QKI: variants seen among roughly 807,000 people sequenced by gnomAD.
QKI encodes the protein KH domain-containing RNA-binding protein QKI.
A neutral mutation model predicts 39.0 loss-of-function variants in QKI; 10 were observed. The ratio of observed to expected loss-of-function variants is 0.26; its 90% CI spans 0.16 to 0.43. QKI has a LOEUF of 0.43. Among genes scored for constraint, QKI ranks in the 20% least tolerant of loss-of-function variants. QKI has a pLI of 1.00. For synonymous variants in QKI, 204 were observed against 155.4 expected, an observed-to-expected ratio of 1.31 and a Z score of -2.33; for missense variants, 218 against 428.0, an observed-to-expected ratio of 0.51 and a Z score of 4.33.
intron 1 of QKI, among the ~76,000 whole-genome samples, chr6:163,431,595 A>G (rs142741575): frequency 0.018 from 2,686 of 152,222 alleles, 46 homozygotes; most frequent in Non-Finnish European, 0.023. Flanking sequence ...CATTTAAACA[A>G]ACATTAAGAT....
intron 1 of QKI, among the ~76,000 whole-genome samples, chr6:163,441,254 A>G (rs1409306059): frequency 6.6e-6 from 1 of 152,190 alleles, no homozygotes; most frequent in East Asian, 1.9e-4. Flanking sequence ...AAAGTGTTCT[A>G]AACTTCTCAA....
At chr6:163,509,000 G>T (rs1163486944) in intron 3 of QKI, among the ~76,000 whole-genome samples, 1 of 152,102 alleles carries the variant, frequency 6.6e-6, no homozygotes, top group African/African-American at 2.4e-5. Context: ...TTAGCTGGAC[G>T]TGGTGGCAGG....
chr6:163,518,211 C>G (rs1186447769), intron 3 of QKI, among the ~76,000 whole-genome samples: 1 of 152,102 alleles, frequency 6.6e-6, no homozygotes, highest in Admixed American at 6.5e-5. Context: ...AGGAAAAACT[C>G]ACATCCACGG....
intron 3 of QKI, among the ~76,000 whole-genome samples, chr6:163,488,832 T>C (rs1345810243): frequency 6.6e-6 from 1 of 152,186 alleles, no homozygotes; most frequent in African/African-American, 2.4e-5. Context: ...TTAGAATATT[T>C]ACATGGTTCC....
At chr6:163,447,608 AT>A (rs1790251438) in intron 1 of QKI, among the ~76,000 whole-genome samples, 1 of 152,142 alleles carries the variant, frequency 6.6e-6, no homozygotes, top group Non-Finnish European at 1.5e-5. Flanking sequence ...ACATAACGAT[AT>A]TTGTTAATTC....
chr6:163,494,206 T>C (rs1222964632), intron 3 of QKI, among the ~76,000 whole-genome samples: 1 of 152,228 alleles, frequency 6.6e-6, no homozygotes, highest in African/African-American at 2.4e-5. Flanking sequence ...TACAATGATT[T>C]ACGTAGTCTT....
chr6:163,562,099 CTGCTGTCTGCGT>C (rs778292652), intron 5 of QKI, 30 bp downstream of exon 5: 3 of 1,547,650 alleles, frequency 1.9e-6, no homozygotes, highest in East Asian at 4.5e-5. Context: ...CCCAGGGTTA[CTGCTGTCTGCGT>C]TGTTTTGTCT....
At chr6:163,515,595 C>CT (rs1373488760) in intron 3 of QKI, among the ~76,000 whole-genome samples, 2 of 152,036 alleles carry the variant, frequency 1.3e-5, no homozygotes, top group Admixed American at 1.3e-4. Context: ...CATCTTGATA[C>CT]TATAACGTTC....
chr6:163,492,227 A>G (rs899455408), intron 3 of QKI, among the ~76,000 whole-genome samples: 1 of 152,190 alleles, frequency 6.6e-6, no homozygotes, highest in East Asian at 1.9e-4. Context: ...AGGCCGTTTC[A>G]TAAGCCTAGG....
chr6:163,443,648 A>G lies in QKI; in HGVS notation c.143-11631A>G, dbSNP rs558044088. 6.6e-5 allele frequency among the ~76,000 whole-genome samples: 10 copies of G among 152,352 alleles called. No individual in the cohort carries two copies. In the South Asian group the frequency reaches 1.2e-3, roughly 19 times the overall value. On this transcript the variant is annotated intron_variant, in intron 1 of 7. Transcript: ENST00000361752. ...TTGCAACACCTGTGAATGTCTTTTG[A>G]CATGTATTTTCTTTCCTAAAAATGT... is the stretch of plus-strand genomic sequence containing the variant.
chr6:163,475,636 A>G (rs1404210615), intron 2 of QKI, among the ~76,000 whole-genome samples: 5 of 152,236 alleles, frequency 3.3e-5, no homozygotes, highest in East Asian at 1.9e-4. Context: ...AGTCTTTTCA[A>G]TAACATTTCT....
At chr6:163,470,485 A>G (rs908344676) in intron 2 of QKI, among the ~76,000 whole-genome samples, 2 of 152,120 alleles carry the variant, frequency 1.3e-5, no homozygotes, top group Non-Finnish European at 2.9e-5. Context: ...TTGGCCTTAT[A>G]TTATTTTTAT....
chr6:163,422,636 A>G (rs889978225), intron 1 of QKI, among the ~76,000 whole-genome samples: 1 of 152,222 alleles, frequency 6.6e-6, no homozygotes, highest in Non-Finnish European at 1.5e-5. Context: ...GTGGCTCCAC[A>G]TAATGGTCAC....
At chr6:163,419,971 G>T (rs961381934) in intron 1 of QKI, among the ~76,000 whole-genome samples, 1 of 152,088 alleles carries the variant, frequency 6.6e-6, no homozygotes, top group Non-Finnish European at 1.5e-5. Flanking sequence ...GATTGAAATT[G>T]GTCAGTTTCC....
intron 7 of QKI, 139 bp from the exon 8 acceptor site, chr6:163,570,555 A>C: frequency 4.0e-6 from 6 of 1,485,636 alleles, no homozygotes; most frequent in Non-Finnish European, 5.3e-6. Context: ...AGTTTGTCAG[A>C]ATTAAACATG....
rs562435818 is a variant in QKI at position 163,570,670 on chromosome 6, T to G, written c.1010-24T>G. 19 of 1,610,976 alleles carry G rather than the reference T, an allele frequency of 1.2e-5. No individual in the cohort carries two copies. In the East Asian group the frequency reaches 1.6e-4, roughly 13 times the overall value. ...TTTTCTTTTCTTTTTTTTGTTTTGT[T>G]TTTTTTTGTTTCTAACCACCCAGCC... On this transcript the variant is annotated intron_variant, in intron 7 of 7. Transcript: ENST00000361752.
In QKI at chr6:163,481,237, G is replaced by GTCTATATATATATATATATATATAGTCCA. The variant is rs1241544373; in HGVS notation, c.402+2342_402+2343insCTATATATATATATATATATATAGTCCAT. The stretch of plus-strand genomic sequence containing the variant: ...GTTGTCCATGTATATATAGACATGT[G>GTCTATATATATATATATATATATAGTCCA]TGTATATATATATATGTGTGTGCGT... On this transcript the variant is annotated intron_variant, in intron 3 of 7. Transcript: ENST00000361752. Among the ~76,000 whole-genome samples, 7 of 151,660 alleles carry GTCTATATATATATATATATATATAGTCCA rather than the reference G, an allele frequency of 4.6e-5. No homozygotes were observed. The East Asian group carries it at 1.3e-3, about 29-fold the overall frequency.
At chr6:163,562,513 C>T (rs1169438561) in intron 5 of QKI, among the ~76,000 whole-genome samples, 1 of 152,128 alleles carries the variant, frequency 6.6e-6, no homozygotes, top group South Asian at 2.1e-4. Context: ...TGTTTTCCCT[C>T]TAGTATTTTT....
intron 1 of QKI, among the ~76,000 whole-genome samples, chr6:163,429,646 T>G (rs1788678352): frequency 1.3e-5 from 2 of 152,200 alleles, no homozygotes; most frequent in South Asian, 4.1e-4. Flanking sequence ...CTCTTATTTT[T>G]GCAATGCAGT....
Sources: gnomAD v4.1 joint callset for allele counts (sites outside exome capture counted in the v4.1 genomes callset) on GRCh38, gnomAD v4.1.1 for gene constraint, MANE v1.5 for transcripts, NCBI Gene and HGNC (gene_info 2026-07-23, HGNC 2026-07-21) for gene names.